MPHOSPH9: variants seen among roughly 807,000 people sequenced by gnomAD.
The protein encoded by MPHOSPH9 is M-phase phosphoprotein 9.
In MPHOSPH9, 88 loss-of-function variants were observed where a neutral mutation model predicts 145.5. The ratio of observed to expected loss-of-function variants is 0.60; its 90% CI spans 0.51 to 0.72. MPHOSPH9 has a LOEUF of 0.72. MPHOSPH9 is among the 30% of genes least tolerant of loss of function. MPHOSPH9 has a pLI of 0.00. For missense variants in MPHOSPH9, 1,238 were observed against 1,386.6 expected (o/e 0.89, Z 1.70); for synonymous variants, 435 against 486.2 (o/e 0.89, Z 1.39).
intron 16 of MPHOSPH9, among the ~76,000 whole-genome samples, chr12:123,174,909 A>C (rs1445262860): frequency 6.6e-6 from 1 of 152,054 alleles, no homozygotes; most frequent in Non-Finnish European, 1.5e-5. Context: ...TCCAATTCAC[A>C]ACCATATCCT....
chr12:123,239,639 T>C (rs1447927399), intron 1 of MPHOSPH9, among the ~76,000 whole-genome samples: 3 of 152,140 alleles, frequency 2.0e-5, no homozygotes, highest in African/African-American at 7.2e-5. Flanking sequence ...CCTGACCTCA[T>C]GATCTGCCCG....
chr12:123,214,713 GT>G, intron 7 of MPHOSPH9, 30 bp downstream of exon 7: 1 of 1,537,984 alleles, frequency 6.5e-7, no homozygotes, highest in East Asian at 2.3e-5. Flanking sequence ...TGTAGTTTAG[GT>G]TAAAAAAAAT....
At chr12:123,183,637 T>C (rs942429724) in intron 13 of MPHOSPH9, among the ~76,000 whole-genome samples, 1 of 148,422 alleles carries the variant, frequency 6.7e-6, no homozygotes, top group African/African-American at 2.5e-5. Context: ...AATCCAGAAA[T>C]GCTGATGAAA....
At chr12:123,172,999 C>G (rs2044659924) in intron 16 of MPHOSPH9, among the ~76,000 whole-genome samples, 1 of 151,006 alleles carries the variant, frequency 6.6e-6, no homozygotes, top group Non-Finnish European at 1.5e-5. Flanking sequence ...CCTCAGCCTC[C>G]CGAGTAGCTG....
chr12:123,192,379 G>A (rs1235223441), intron 13 of MPHOSPH9, among the ~76,000 whole-genome samples: 6 of 151,578 alleles, frequency 4.0e-5, no homozygotes, highest in Non-Finnish European at 7.4e-5. Flanking sequence ...ACTTGAACCC[G>A]GGAGGCAGAG....
chr12:123,208,822 T>C (rs2046566099), intron 8 of MPHOSPH9, among the ~76,000 whole-genome samples: 1 of 152,016 alleles, frequency 6.6e-6, no homozygotes, highest in Non-Finnish European at 1.5e-5. Flanking sequence ...CGGGCTCAAG[T>C]GATCCTCTCA....
At chr12:123,186,062 T>C (rs1007719265) in intron 13 of MPHOSPH9, among the ~76,000 whole-genome samples, 2 of 151,620 alleles carry the variant, frequency 1.3e-5, no homozygotes, top group African/African-American at 4.8e-5. Context: ...CCGTTTCTAC[T>C]AAAAATACAA....
chr12:123,184,731 C>A (rs2045360646), intron 13 of MPHOSPH9, among the ~76,000 whole-genome samples: 1 of 152,020 alleles, frequency 6.6e-6, no homozygotes, highest in Non-Finnish European at 1.5e-5. Flanking sequence ...ATCTCCTGAC[C>A]TTGTGATCTA....
Position 123,183,547 on chromosome 12 carries a change from C to CAAAAAAAA in MPHOSPH9, c.2242-2345_2242-2338dup, listed in dbSNP as rs746928699. 3.0e-3 allele frequency among the ~76,000 whole-genome samples: 168 copies of CAAAAAAAA among 56,826 alleles called. 3 individuals carry two copies. Among genetic ancestry groups the CAAAAAAAA allele is most frequent in the East Asian group, 5.1e-3 (8 of 1,566 alleles). The allele number at this position is 56,826 out of a possible 152,430, so 37.3% of individuals were successfully genotyped here. A position where few individuals can be genotyped will look rare whatever the true frequency, so the allele number is the denominator to read the frequency against. On this transcript the variant is annotated intron_variant, in intron 13 of 23. Transcript: ENST00000606320. Reference sequence around the variant, plus strand: ...AAGGTGACAGAGCAAGACTCTGTCTCAAAAAAAAAAAAAAAAAAAAAAAGA... The same window carrying CAAAAAAAA: ...AAGGTGACAGAGCAAGACTCTGTCTCAAAAAAAAAAAAAAAAAAAAAAAAAAAAAAAGA...
At chr12:123,180,028 A>G (rs765053773) in intron 14 of MPHOSPH9, 38 bp from the exon 15 acceptor site, 1 of 1,075,062 alleles carries the variant, frequency 9.3e-7, no homozygotes, top group East Asian at 2.9e-5. Flanking sequence ...AACTGAAGAC[A>G]AATATTCACA....
Position 123,179,978 on chromosome 12 carries a change from T to C in MPHOSPH9, c.2302A>G (p.Thr768Ala), listed in dbSNP as rs2045054643. ...GCATCAAGCAATTTGTTCTCAGTTG[T>C]ATTTAATGCATCCTATGGAAATAAA... The part of the protein sequence containing the change: ...EHRRVKDALN[T>A]TENKLLDAYT... The change falls in exon 15 of 24, where the codon ACA (threonine) becomes GCA (alanine). Residue 768 changes from threonine to alanine, a missense_variant. Physicochemically the swap from Thr to Ala is moderately conservative, Grantham distance 58. Transcript: ENST00000606320. 2 of 1,435,652 alleles carry C rather than the reference T, an allele frequency of 1.4e-6. No individual in the cohort carries two copies. Among genetic ancestry groups the C allele is most frequent in the Non-Finnish European group, 1.9e-6 (2 of 1,061,484 alleles). 88.9% of individuals were successfully genotyped at this position (1,435,652 alleles called of 1,614,324 possible).
rs370691641 is a variant in MPHOSPH9 at position 123,207,353 on chromosome 12, C to T, written c.1194+2703G>A. Among the ~76,000 whole-genome samples the T allele has an allele frequency of 2.6e-5, 4 of 151,912 alleles. 1 individual carries two copies. Among genetic ancestry groups the T allele is most frequent in the Non-Finnish European group, 5.9e-5 (4 of 67,990 alleles). On this transcript the variant is annotated intron_variant, in intron 8 of 23. Coordinates refer to ENST00000606320, the MANE Select transcript of MPHOSPH9 (RefSeq NM_022782.4). ...GCCTTGCCCCCTACAATCTTACCCC[C>T]CTCATACTTCATTTCTCTGTGTTGA...
At chr12:123,242,677 C>T (rs930501402) in intron 1 of MPHOSPH9, among the ~76,000 whole-genome samples, 4 of 152,182 alleles carry the variant, frequency 2.6e-5, no homozygotes, top group Non-Finnish European at 4.4e-5. Context: ...GGAGACCTTC[C>T]AGTGTGTCTG....
At chr12:123,197,521 C>T (rs1292192371) in intron 12 of MPHOSPH9, among the ~76,000 whole-genome samples, 1 of 152,016 alleles carries the variant, frequency 6.6e-6, no homozygotes, top group Non-Finnish European at 1.5e-5. Context: ...CGGTGGCTCA[C>T]ACCTGTAATC....
intron 16 of MPHOSPH9, among the ~76,000 whole-genome samples, chr12:123,173,673 G>C (rs1202262935): frequency 6.6e-6 from 1 of 152,158 alleles, no homozygotes; most frequent in African/African-American, 2.4e-5. Context: ...AGAGCTTCTG[G>C]AGAGCTGAAC....
intron 8 of MPHOSPH9, among the ~76,000 whole-genome samples, chr12:123,204,581 G>C (rs964087475): frequency 6.6e-6 from 1 of 152,074 alleles, no homozygotes; most frequent in African/African-American, 2.4e-5. Context: ...AAAATAAGAA[G>C]ATATGACCCT....
rs938219919 is a variant in MPHOSPH9 at position 123,188,805 on chromosome 12, G to A, written c.2241+5581C>T. Among the ~76,000 whole-genome samples the A allele has an allele frequency of 8.5e-5, 13 of 152,252 alleles. No individual in the cohort carries two copies. The East Asian group carries it at 1.3e-3, about 16-fold the overall frequency. On this transcript the variant is annotated intron_variant, in intron 13 of 23. Transcript: ENST00000606320. ...AGAGGTTGCAGTGAGCCGAGATAGC[G>A]CCACTGCACTCCTGCCTGGGCAACA...
intron 16 of MPHOSPH9, among the ~76,000 whole-genome samples, chr12:123,173,320 T>C (rs1288164422): frequency 6.6e-6 from 1 of 152,188 alleles, no homozygotes; most frequent in Non-Finnish European, 1.5e-5. Flanking sequence ...ATGACATATA[T>C]TATACATCAG....
At chr12:123,177,562 A>G (rs541606581) in intron 15 of MPHOSPH9, among the ~76,000 whole-genome samples, 28 of 152,056 alleles carry the variant, frequency 1.8e-4, no homozygotes, top group Non-Finnish European at 1.0e-4. Context: ...CTAAACAAAA[A>G]TCAGTGAATA....
Sources: allele counts gnomAD v4.1 joint callset (sites outside exome capture counted in the v4.1 genomes callset), GRCh38; gene constraint gnomAD v4.1.1; transcripts MANE v1.5; gene names NCBI Gene and HGNC (gene_info 2026-07-23, HGNC 2026-07-21).